PCDH7: variants seen among roughly 807,000 people sequenced by gnomAD.
The protein encoded by PCDH7 is protocadherin 7.
PCDH7 carries 17 observed loss-of-function variants against 58.9 expected under a neutral mutation model. That is an observed-to-expected ratio of 0.29 (90% CI 0.20 to 0.43). The LOEUF (loss-of-function observed/expected upper bound fraction) is 0.43. Among genes scored for constraint, PCDH7 ranks in the 20% least tolerant of loss-of-function variants. The probability of loss-of-function intolerance (pLI) is 1.00; values close to 1 mark genes in which losing one functional copy is unlikely to be tolerated. For missense variants in PCDH7, 1,274 were observed against 1,441.0 expected (o/e 0.88, Z 1.88); for synonymous variants, 664 against 616.4 (o/e 1.08, Z -1.14).
intron 3 of PCDH7, among the ~76,000 whole-genome samples, chr4:31,054,435 G>T (rs1756991937): frequency 6.6e-6 from 1 of 152,168 alleles, no homozygotes; most frequent in Non-Finnish European, 1.5e-5. Flanking sequence ...AGCTGGAGTT[G>T]CACAACAAGC....
chr4:30,854,877 A>G (rs535125988), intron 1 of PCDH7, among the ~76,000 whole-genome samples: 1 of 152,212 alleles, frequency 6.6e-6, no homozygotes, highest in East Asian at 1.9e-4. Flanking sequence ...GTTCTATGTA[A>G]TTTGTATAAT....
chr4:31,057,556 C>T (rs1757355653), intron 3 of PCDH7, among the ~76,000 whole-genome samples: 1 of 152,164 alleles, frequency 6.6e-6, no homozygotes, highest in Non-Finnish European at 1.5e-5. Context: ...GAATCCAATT[C>T]TGTCAGTGAA....
intron 3 of PCDH7, among the ~76,000 whole-genome samples, chr4:31,016,771 G>A (rs1753635231): frequency 6.6e-6 from 1 of 151,826 alleles, no homozygotes; most frequent in East Asian, 1.9e-4. Context: ...AAATAATTGA[G>A]TATAAGGGCT....
chr4:31,094,998 T>C, intron 3 of PCDH7, among the ~76,000 whole-genome samples: 1 of 150,594 alleles, frequency 6.6e-6, no homozygotes, highest in East Asian at 2.4e-4. Flanking sequence ...GGTGTAGCTA[T>C]AAGGTGAAAA....
intron 1 of PCDH7, among the ~76,000 whole-genome samples, chr4:30,895,135 C>CAA (rs11385319): frequency 6.9e-5 from 10 of 144,176 alleles, no homozygotes; most frequent in African/African-American, 1.3e-4. Context: ...ACAATTTCAG[C>CAA]AAAAAAAAAA....
chr4:30,722,704 G>C lies in PCDH7; in HGVS notation c.1282G>C (p.Gly428Arg), dbSNP rs544115480. 4 of 1,613,466 alleles carry C rather than the reference G, an allele frequency of 2.5e-6. No homozygotes were observed. The highest frequency in any genetic ancestry group is 2.2e-5 in the East Asian group (1 of 44,868). ...GATTGGGCGCATCCCCCTCAAGGACGGGGTGGCCAACGTGGCCGAGGACGT... is the reference window on the plus strand; with the variant it reads ...GATTGGGCGCATCCCCCTCAAGGACCGGGTGGCCAACGTGGCCGAGGACGT... Residue 428 changes from glycine to arginine, a missense_variant, in exon 1 of 2, where the codon GGG (glycine) becomes CGG (arginine). Physicochemically the swap from Gly to Arg is moderately radical, Grantham distance 125. Transcript: ENST00000361762. The surrounding 1 kb of genome is among the most constrained non-coding windows in gnomAD (Gnocchi z 7.6).
At chr4:31,014,450 A>T (rs1447731670) in intron 3 of PCDH7, among the ~76,000 whole-genome samples, 2 of 152,160 alleles carry the variant, frequency 1.3e-5, no homozygotes, top group African/African-American at 4.8e-5. Flanking sequence ...GAAAGACAGG[A>T]ATGTACAAGA....
intron 1 of PCDH7, among the ~76,000 whole-genome samples, chr4:30,752,985 G>A (rs1244099261): frequency 6.6e-6 from 1 of 152,088 alleles, no homozygotes; most frequent in Non-Finnish European, 1.5e-5. Context: ...GGAAGCATTT[G>A]AACTTGGTGT....
At chr4:30,745,780 A>ATG (rs139289292) in intron 1 of PCDH7, among the ~76,000 whole-genome samples, 12 of 150,972 alleles carry the variant, frequency 7.9e-5, no homozygotes, top group East Asian at 3.9e-4. Flanking sequence ...GTGTGTGTGT[A>ATG]TGTGTGTGTG....
chr4:30,838,511 T>G (rs1426648578), intron 1 of PCDH7, among the ~76,000 whole-genome samples: 4 of 152,094 alleles, frequency 2.6e-5, no homozygotes, highest in Non-Finnish European at 5.9e-5. Context: ...TTTCCCCCTT[T>G]TAAAATAAAC....
chr4:30,891,532 C>CT (rs1335012179), intron 1 of PCDH7, among the ~76,000 whole-genome samples: 2 of 151,942 alleles, frequency 1.3e-5, no homozygotes, highest in Non-Finnish European at 2.9e-5. Flanking sequence ...TCTTGTTATC[C>CT]TTTAAGACTT....
chr4:31,074,452 T>C lies in PCDH7; in HGVS notation c.*8-68021T>C, dbSNP rs558766845. 4.6e-5 allele frequency among the ~76,000 whole-genome samples: 7 copies of C among 152,052 alleles called. 1 individual carries two copies. The highest frequency in any genetic ancestry group is 1.7e-4 in the African/African-American group (7 of 41,488). On this transcript the variant is annotated intron_variant, in intron 3 of 3. Transcript: ENST00000509759. ...TGTGACTGGAAAGATAAATGTGTCTTAGTCCCCTCTACATTATGCAAAGAC... is the reference window on the plus strand; with the variant it reads ...TGTGACTGGAAAGATAAATGTGTCTCAGTCCCCTCTACATTATGCAAAGAC...
chr4:30,909,047 G>A (rs966654460), intron 1 of PCDH7, among the ~76,000 whole-genome samples: 46 of 152,134 alleles, frequency 3.0e-4, no homozygotes, highest in African/African-American at 9.9e-4. Flanking sequence ...AATAAACATA[G>A]TCCATCAGAT....
intron 3 of PCDH7, among the ~76,000 whole-genome samples, chr4:31,134,664 A>G (rs2109340245): frequency 6.6e-6 from 1 of 152,298 alleles, no homozygotes; most frequent in African/African-American, 2.4e-5. Context: ...AACAAAGATC[A>G]ATTACTTCTC....
chr4:31,048,734 A>G (rs1756491450), intron 3 of PCDH7, among the ~76,000 whole-genome samples: 1 of 152,100 alleles, frequency 6.6e-6, no homozygotes, highest in Non-Finnish European at 1.5e-5. Flanking sequence ...AGAAAAAAAA[A>G]AGGCAAAGCT....
chr4:31,143,922 G>T (rs1343896130), downstream of PCDH7: 1 of 152,194 alleles, frequency 6.6e-6, no homozygotes, highest in Non-Finnish European at 1.5e-5. Context: ...GCAATTGGTT[G>T]AGGTTCAAGT....
At chr4:31,099,227 AG>A (rs1714575236) in intron 3 of PCDH7, among the ~76,000 whole-genome samples, 1 of 152,202 alleles carries the variant, frequency 6.6e-6, no homozygotes. Flanking sequence ...ACAGCCAGAA[AG>A]GGGGCAAAGG....
intron 3 of PCDH7, among the ~76,000 whole-genome samples, chr4:31,004,631 A>G (rs1327643735): frequency 6.6e-6 from 1 of 152,108 alleles, no homozygotes; most frequent in African/African-American, 2.4e-5. Flanking sequence ...GGTTGCAGTG[A>G]GCCGAGATCC....
At chr4:30,745,248 G>T (rs1173594410) in intron 1 of PCDH7, among the ~76,000 whole-genome samples, 5 of 146,866 alleles carry the variant, frequency 3.4e-5, no homozygotes, top group South Asian at 2.2e-4. Flanking sequence ...TTTACATCTT[G>T]TTTTTTTTTT....
Sources: gnomAD v4.1 joint callset for allele counts (sites outside exome capture counted in the v4.1 genomes callset) on GRCh38, gnomAD v4.1.1 for gene constraint, Gnocchi (gnomAD v3.1) non-coding constraint, MANE v1.5 for transcripts, NCBI Gene and HGNC (gene_info 2026-07-23, HGNC 2026-07-21) for gene names.